PIK3CB: variants seen among roughly 807,000 people sequenced by gnomAD.
The protein encoded by PIK3CB is phosphatidylinositol 4,5-bisphosphate 3-kinase catalytic subunit beta isoform.
In PIK3CB, 39 loss-of-function variants were observed where a neutral mutation model predicts 136.8. That is an observed-to-expected ratio of 0.29 (90% confidence interval 0.22 to 0.37). The LOEUF (loss-of-function observed/expected upper bound fraction) is 0.37, where lower values mean the gene tolerates loss of function less well. Ranked by LOEUF, PIK3CB falls within the 10% of genes least tolerant of loss-of-function variation. The probability of loss-of-function intolerance (pLI) is 1.00; values close to 1 mark genes in which losing one functional copy is unlikely to be tolerated. For missense variants in PIK3CB, 868 were observed against 1,275.4 expected (o/e 0.68, Z 4.87); for synonymous variants, 428 against 436.6 (o/e 0.98, Z 0.25).
intron 6 of PIK3CB, 98 bp from the exon 7 acceptor site, chr3:138,734,902 G>A: frequency 2.9e-6 from 2 of 690,242 alleles, no homozygotes; most frequent in Non-Finnish European, 4.4e-6. Context: ...AATGCACTGT[G>A]AAAGTATGTC....
intron 12 of PIK3CB, 62 bp downstream of exon 12, chr3:138,704,381 A>G: frequency 9.0e-7 from 1 of 1,115,416 alleles, no homozygotes; most frequent in East Asian, 2.3e-5. Flanking sequence ...CTATGAGGCA[A>G]AGATACCTAA....
chr3:138,826,825 T>C (rs1039993380), intron 1 of PIK3CB, among the ~76,000 whole-genome samples: 1 of 152,118 alleles, frequency 6.6e-6, no homozygotes, highest in Non-Finnish European at 1.5e-5. Context: ...TCCCAGCACT[T>C]TGGGAGGCCA....
In PIK3CB at chr3:138,707,454, G is replaced by A. The variant is rs965627743; in HGVS notation, c.1400-165C>T. 5.2e-6 allele frequency: 7 copies of A among 1,349,542 alleles called. No homozygotes were observed. In the Admixed American group the frequency reaches 1.6e-4, roughly 30 times the overall value. The allele number at this position is 1,349,542 out of a possible 1,614,324, so 83.6% of individuals were successfully genotyped here. ...ATCCTCTAATTTTCTGTTAATGCTT[G>A]GAACAAAATTTCAGTGTGAGTTTGC... On this transcript the variant is annotated intron_variant, in intron 10 of 23. Coordinates refer to ENST00000674063, the MANE Select transcript of PIK3CB (RefSeq NM_006219.3).
At chr3:138,785,179 C>A (rs945026495) in intron 2 of PIK3CB, among the ~76,000 whole-genome samples, 33 of 150,260 alleles carry the variant, frequency 2.2e-4, no homozygotes, top group African/African-American at 7.6e-4. Context: ...CCGCCCCGTC[C>A]GGGAGGGAGG....
In PIK3CB at chr3:138,733,399, C is replaced by A. The variant is rs61755417; in HGVS notation, c.1012G>T (p.Val338Phe). ...TCTGTGTTAAGTTTATTTCCCTTAACCAAGACAATTTGGAAAGGGTTGTTA... is the reference window on the plus strand; with the variant it reads ...TCTGTGTTAAGTTTATTTCCCTTAAACAAGACAATTTGGAAAGGGTTGTTA... ...ENNNPFQIVL[V>F]KGNKLNTEET... Residue 338 changes from valine (V) to phenylalanine (F), a missense_variant, in exon 8 of 24, where the codon GTT (valine) becomes TTT (phenylalanine). Val to Phe is a conservative substitution (Grantham distance 50). Coordinates refer to ENST00000674063, the MANE Select transcript of PIK3CB (RefSeq NM_006219.3). 5 of 1,570,200 alleles carry A rather than the reference C, an allele frequency of 3.2e-6. No homozygotes were observed. Among genetic ancestry groups the A allele is most frequent in the Non-Finnish European group, 3.5e-6 (4 of 1,143,296 alleles).
At chr3:138,804,821 A>G (rs571917833) in intron 1 of PIK3CB, among the ~76,000 whole-genome samples, 68 of 151,814 alleles carry the variant, frequency 4.5e-4, no homozygotes, top group Non-Finnish European at 6.6e-4. Context: ...TCAGGAGATC[A>G]AGACCATCCT....
intron 2 of PIK3CB, among the ~76,000 whole-genome samples, chr3:138,768,223 A>C (rs932628586): frequency 1.5e-4 from 22 of 151,488 alleles, no homozygotes; most frequent in African/African-American, 5.1e-4. Context: ...GAGGCCCTGG[A>C]ATGGGTAGCT....
intron 1 of PIK3CB, among the ~76,000 whole-genome samples, chr3:138,803,437 A>AC (rs1576422466): frequency 6.6e-6 from 1 of 152,208 alleles, no homozygotes; most frequent in East Asian, 1.9e-4. Flanking sequence ...ATCCTCCCAA[A>AC]CCAAGTAAAC....
In PIK3CB at chr3:138,688,944, T is replaced by C. The variant is rs1333108705; in HGVS notation, c.2067A>G (p.Val689=). 1 of 1,613,742 alleles carries C rather than the reference T, an allele frequency of 6.2e-7. No individual in the cohort carries two copies. Among genetic ancestry groups the C allele is most frequent in the South Asian group, 1.1e-5 (1 of 91,062 alleles). The change falls in exon 16 of 24, where the codon GTA becomes GTG. Residue 689 remains valine (V), a synonymous_variant. Coordinates refer to ENST00000674063, the MANE Select transcript of PIK3CB (RefSeq NM_006219.3). ...RSEVHIPAVS[V]QFGVILEAYC... Reference sequence around the variant, plus strand: ...ATGCTTCAAGGATGACACCAAATTGTACTGAGACAGCAGGAATGTGCACTT... The same window carrying C: ...ATGCTTCAAGGATGACACCAAATTGCACTGAGACAGCAGGAATGTGCACTT...
At chr3:138,758,642 T>C (rs1367907456) in intron 3 of PIK3CB, among the ~76,000 whole-genome samples, 1 of 152,234 alleles carries the variant, frequency 6.6e-6, no homozygotes, top group Non-Finnish European at 1.5e-5. Flanking sequence ...ATATCATAAA[T>C]ATGTTTTCTT....
rs372468230 is a variant in PIK3CB at position 138,737,644 on chromosome 3, A to AATATAT, written c.801+57_801+62dup. On this transcript the variant is annotated intron_variant, in intron 6 of 23. Transcript: ENST00000674063. ...AACACATTTTTAAAGTCAGAAATAA[A>AATATAT]ATATATATATATATATATATACTCA... is the stretch of plus-strand genomic sequence containing the variant. 3,920 of 462,750 alleles carry AATATAT rather than the reference A, an allele frequency of 8.5e-3. 15 individuals are homozygous for AATATAT. The highest frequency in any genetic ancestry group is 9.8e-3 in the Non-Finnish European group (3,020 of 308,196). 28.7% of individuals were successfully genotyped at this position (462,750 alleles called of 1,614,324 possible).
At chr3:138,764,151 C>A (rs980980859) in intron 2 of PIK3CB, among the ~76,000 whole-genome samples, 3 of 148,828 alleles carry the variant, frequency 2.0e-5, no homozygotes, top group African/African-American at 5.0e-5. Context: ...ATGATTATAT[C>A]TAAAATGAAT....
At chr3:138,699,186 T>G in intron 12 of PIK3CB, 91 bp from the exon 13 acceptor site, 1 of 386,332 alleles carries the variant, frequency 2.6e-6, no homozygotes, top group Non-Finnish European at 4.3e-6. Flanking sequence ...ATATAATAAA[T>G]GAACCTAAGT....
intron 1 of PIK3CB, among the ~76,000 whole-genome samples, chr3:138,830,263 A>T (rs1933964015): frequency 6.6e-6 from 1 of 152,170 alleles, no homozygotes; most frequent in Non-Finnish European, 1.5e-5. Context: ...TAAATAAAAA[A>T]AGGGGCCCAG....
chr3:138,657,519 G>T, intron 22 of PIK3CB, 171 bp downstream of exon 22: 2 of 557,040 alleles, frequency 3.6e-6, no homozygotes, highest in East Asian at 3.2e-5. Flanking sequence ...TCCTATCTGG[G>T]AATTTCTGAA....
intron 4 of PIK3CB, among the ~76,000 whole-genome samples, chr3:138,754,560 G>C (rs1015581578): frequency 6.6e-6 from 1 of 152,112 alleles, no homozygotes; most frequent in Non-Finnish European, 1.5e-5. Flanking sequence ...TAATATATAA[G>C]AAAAAATTTT....
Position 138,681,993 on chromosome 3 carries a change from G to A in PIK3CB, c.2478C>T (p.Leu826=), listed in dbSNP as rs2108480809. 6.2e-7 allele frequency: 1 copy of A among 1,609,174 alleles called. No individual in the cohort carries two copies. Among genetic ancestry groups the A allele is most frequent in the East Asian group, 2.2e-5 (1 of 44,712 alleles). Residue 826 remains leucine, a synonymous_variant, in exon 19 of 24, where the codon CTC becomes CTT. Transcript: ENST00000674063. ...GAAGATCCAAACCAGCTTCTTTCCA[G>A]AGTAAATCCATCAAGCGCAACATTT... ...TLQMLRLMDL[L]WKEAGLDLRM...
chr3:138,780,669 T>C (rs1320071600), intron 2 of PIK3CB, among the ~76,000 whole-genome samples: 3 of 152,176 alleles, frequency 2.0e-5, no homozygotes, highest in Non-Finnish European at 2.9e-5. Flanking sequence ...CTTTTTTCTT[T>C]TTTTCTCTGA....
At chr3:138,735,401 G>C (rs111874249) in intron 6 of PIK3CB, among the ~76,000 whole-genome samples, 5 of 152,218 alleles carry the variant, frequency 3.3e-5, no homozygotes, top group African/African-American at 1.2e-4. Context: ...ACTCAGAAGG[G>C]TTAAGTTGCA....
Sources: gnomAD v4.1 joint callset for allele counts (sites outside exome capture counted in the v4.1 genomes callset) on GRCh38, gnomAD v4.1.1 for gene constraint, MANE v1.5 for transcripts, NCBI Gene and HGNC (gene_info 2026-07-23, HGNC 2026-07-21) for gene names.